Variants in STX19 observed in about 807,000 individuals in gnomAD.
STX19 encodes the protein syntaxin-19.
In STX19, 26 loss-of-function variants were observed where a neutral mutation model predicts 24.3. The ratio of observed to expected loss-of-function variants is 1.07; its 90% CI spans 0.78 to 1.48. The LOEUF is 1.48. Among genes scored for constraint, STX19 ranks in the 40% most tolerant of loss-of-function variants. The pLI is 0.00. For missense variants in STX19, 367 were observed against 331.9 expected (o/e 1.11, Z -0.82); for synonymous variants, 116 against 106.9 (o/e 1.09, Z -0.52).
intron 1 of STX19, among the ~76,000 whole-genome samples, chr3:94,021,487 G>A (rs2076448460): frequency 6.6e-6 from 1 of 151,944 alleles, no homozygotes; most frequent in African/African-American, 2.4e-5. Context: ...AAACCACCAT[G>A]CCTGGCCAAA....
intron 1 of STX19, among the ~76,000 whole-genome samples, chr3:94,027,165 A>C (rs972363255): frequency 1.3e-5 from 2 of 152,096 alleles, no homozygotes; most frequent in Non-Finnish European, 2.9e-5. Context: ...AGAAAACAGA[A>C]TATTCTGTTG....
intron 1 of STX19, among the ~76,000 whole-genome samples, chr3:94,023,266 T>TATATCTTCTAGTTTTGTTACC (rs1477839326): frequency 7.2e-5 from 11 of 152,180 alleles, no homozygotes; most frequent in Non-Finnish European, 1.6e-4. Flanking sequence ...GTTTTGTTAC[T>TATATCTTCTAGTTTTGTTACC]ACATCTTCTA....
chr3:94,016,130 A>G (rs2076329024), intron 1 of STX19, among the ~76,000 whole-genome samples: 1 of 152,172 alleles, frequency 6.6e-6, no homozygotes, highest in South Asian at 2.1e-4. Flanking sequence ...TATATATGAA[A>G]TGACATACAT....
At position 94,015,061 on chromosome 3, in the gene STX19, T is replaced by C; in HGVS notation, c.209A>G (p.Lys70Arg). Residue 70 changes from lysine (K) to arginine (R), a missense_variant, in exon 2 of 2, where the codon AAA (lysine) becomes AGA (arginine). Transcript: ENST00000315099. ...CAGACTTTTCTGTTGCTGCCCAAAT[T>C]TTTGAACATTATCTGCCAAATTGTT... ...SINNLADNVQ[K>R]FGQQQKSLVA... 6.2e-7 allele frequency: 1 copy of C among 1,614,020 alleles called. No individual in the cohort carries two copies. Among genetic ancestry groups the C allele is most frequent in the African/African-American group, 1.3e-5 (1 of 75,044 alleles).
chr3:94,020,116 T>G (rs948947901), intron 1 of STX19, among the ~76,000 whole-genome samples: 1 of 152,160 alleles, frequency 6.6e-6, no homozygotes, highest in Non-Finnish European at 1.5e-5. Context: ...AGATCAAGGG[T>G]TTTTATTCAT....
In STX19 at chr3:94,018,593, C is replaced by A. The variant is rs79776532; in HGVS notation, c.-13-3311G>T. ...TAAATGCTGTTTGTAAGCTGATGACCCAAATTTGTATCTCCAGTTTAGGTT... is the reference window on the plus strand; with the variant it reads ...TAAATGCTGTTTGTAAGCTGATGACACAAATTTGTATCTCCAGTTTAGGTT... On this transcript the variant is annotated intron_variant, in intron 1 of 1. Transcript: ENST00000315099. Among the ~76,000 whole-genome samples the A allele has an allele frequency of 5.8e-3, 879 of 152,006 alleles. 6 individuals are homozygous for A. Among genetic ancestry groups the A allele is most frequent in the African/African-American group, 0.02 (831 of 41,440 alleles).
At chr3:94,027,565 T>C (rs572608556) in intron 1 of STX19, among the ~76,000 whole-genome samples, 1 of 152,188 alleles carries the variant, frequency 6.6e-6, no homozygotes, top group East Asian at 1.9e-4. Flanking sequence ...GTTCGAGGTA[T>C]TACGTGGCCA....
intron 1 of STX19, among the ~76,000 whole-genome samples, chr3:94,021,640 A>T (rs577717409): frequency 6.6e-6 from 1 of 152,172 alleles, no homozygotes; most frequent in African/African-American, 2.4e-5. Context: ...TATACATCTG[A>T]TAAGAACTAG....
intron 1 of STX19, among the ~76,000 whole-genome samples, chr3:94,020,284 G>A (rs1176128539): frequency 6.6e-6 from 1 of 152,100 alleles, no homozygotes; most frequent in African/African-American, 2.4e-5. Flanking sequence ...CACTAAGTGT[G>A]TTTTATGTTC....
At chr3:94,017,125 C>T (rs2076350226) in intron 1 of STX19, among the ~76,000 whole-genome samples, 1 of 152,070 alleles carries the variant, frequency 6.6e-6, no homozygotes, top group South Asian at 2.1e-4. Context: ...TTAGGAATTA[C>T]CAGACTAGCA....
chr3:94,020,411 A>G (rs974670381), intron 1 of STX19, among the ~76,000 whole-genome samples: 4 of 152,198 alleles, frequency 2.6e-5, no homozygotes, highest in African/African-American at 7.2e-5. Flanking sequence ...AGATTCTGGC[A>G]GTATAGTTTG....
chr3:94,024,583 G>A (rs1267362154), intron 1 of STX19, among the ~76,000 whole-genome samples: 10 of 152,076 alleles, frequency 6.6e-5, no homozygotes, highest in East Asian at 5.8e-4. Flanking sequence ...TTTTTTGGGC[G>A]TGTTGTTTTG....
intron 1 of STX19, among the ~76,000 whole-genome samples, chr3:94,025,987 G>A (rs1367763157): frequency 6.7e-6 from 1 of 149,526 alleles, no homozygotes; most frequent in African/African-American, 2.5e-5. Flanking sequence ...CTTTAAGTAT[G>A]TTTCCTCATC....
chr3:94,016,398 A>G (rs913922421), intron 1 of STX19, among the ~76,000 whole-genome samples: 10 of 152,312 alleles, frequency 6.6e-5, no homozygotes, highest in Admixed American at 4.6e-4. Context: ...CATAGGAGGC[A>G]TACTTAACAA....
At chr3:94,019,371 A>G (rs925924058) in intron 1 of STX19, among the ~76,000 whole-genome samples, 2 of 151,082 alleles carry the variant, frequency 1.3e-5, no homozygotes, top group African/African-American at 4.9e-5. Context: ...TAATTTTTGT[A>G]TTTTCAGTAG....
intron 1 of STX19, among the ~76,000 whole-genome samples, chr3:94,016,417 A>G (rs1374100444): frequency 6.6e-6 from 1 of 152,180 alleles, no homozygotes; most frequent in African/African-American, 2.4e-5. Flanking sequence ...AAATGTGTAG[A>G]TGGTGTAAAA....
intron 1 of STX19, among the ~76,000 whole-genome samples, chr3:94,016,242 C>T (rs1158872585): frequency 6.6e-6 from 1 of 151,836 alleles, no homozygotes; most frequent in East Asian, 1.9e-4. Context: ...TAAGAAGAGG[C>T]TGTTAGGGAG....
Position 94,025,537 on chromosome 3 carries a change from C to T in STX19, c.-14+2830G>A, listed in dbSNP as rs529724816. On this transcript the variant is annotated intron_variant, in intron 1 of 1. Coordinates refer to ENST00000315099, the MANE Select transcript of STX19 (RefSeq NM_001001850.3). Reference sequence around the variant, plus strand: ...TAAATTCCTATGTTTGCTGTGGCCACGGACTGGTGACCACTCTGTTAAATG... The same window carrying T: ...TAAATTCCTATGTTTGCTGTGGCCATGGACTGGTGACCACTCTGTTAAATG... Among the ~76,000 whole-genome samples the T allele has an allele frequency of 1.6e-4, 25 of 152,266 alleles. 1 individual carries two copies. The South Asian group carries it at 4.8e-3, about 29-fold the overall frequency.
chr3:94,027,690 A>G (rs957756435), intron 1 of STX19, among the ~76,000 whole-genome samples: 3 of 152,064 alleles, frequency 2.0e-5, no homozygotes, highest in African/African-American at 7.2e-5. Flanking sequence ...TATCTAACCT[A>G]TCTACATATG....
Sources: allele counts gnomAD v4.1 joint callset (sites outside exome capture counted in the v4.1 genomes callset), GRCh38; gene constraint gnomAD v4.1.1; transcripts MANE v1.5; gene names NCBI Gene and HGNC (gene_info 2026-07-23, HGNC 2026-07-21).